Variants in PCSK5 observed in about 807,000 individuals in gnomAD.
PCSK5 encodes proprotein convertase subtilisin/kexin type 5, also known as prohormone convertase 5.
PCSK5 carries 129 observed loss-of-function variants against 233.2 expected under a neutral mutation model. The ratio of observed to expected loss-of-function variants is 0.55; its 90% CI spans 0.48 to 0.64. The LOEUF (loss-of-function observed/expected upper bound fraction) is 0.64. Among genes scored for constraint, PCSK5 ranks in the 30% least tolerant of loss-of-function variants. PCSK5 has a pLI of 0.00. For missense variants in PCSK5, 2,076 were observed against 2,430.1 expected (o/e 0.85, Z 3.06); for synonymous variants, 825 against 879.2 (o/e 0.94, Z 1.09).
At chr9:75,992,450 T>C (rs1826809849) in intron 3 of PCSK5, among the ~76,000 whole-genome samples, 1 of 152,250 alleles carries the variant, frequency 6.6e-6, no homozygotes, top group South Asian at 2.1e-4. Flanking sequence ...AAAAGATCTT[T>C]TATTCCTTCA....
In PCSK5 at chr9:76,227,514, G is replaced by C; in HGVS notation, c.2638G>C (p.Asp880His). ...ATTTTGTTCCCCAGGAGAATATGTTGATGAGCATGGCCACTGCCAGACCTG... is the reference window on the plus strand; with the variant it reads ...ATTTTGTTCCCCAGGAGAATATGTTCATGAGCATGGCCACTGCCAGACCTG... ...GAICKDGEYV[D>H]EHGHCQTCEA... Residue 880 changes from aspartate to histidine, a missense_variant, in exon 21 of 38, where the codon GAT becomes CAT. Physicochemically the swap from Asp to His is moderately conservative, Grantham distance 81 (BLOSUM62 -1). Coordinates refer to ENST00000674117, the MANE Select transcript of PCSK5 (RefSeq NM_001372043.1). 1 of 1,610,670 alleles carries C rather than the reference G, an allele frequency of 6.2e-7. No individual in the cohort carries two copies. Among genetic ancestry groups the C allele is most frequent in the Non-Finnish European group, 8.5e-7 (1 of 1,178,466 alleles).
intron 8 of PCSK5, among the ~76,000 whole-genome samples, chr9:76,097,652 A>G (rs1831592782): frequency 1.3e-5 from 2 of 152,222 alleles, no homozygotes; most frequent in Admixed American, 6.5e-5. Context: ...TGGACAAATT[A>G]ATCTGTCTGT....
chr9:75,920,760 T>C (rs1301818932), intron 1 of PCSK5, among the ~76,000 whole-genome samples: 1 of 151,970 alleles, frequency 6.6e-6, no homozygotes, highest in Non-Finnish European at 1.5e-5. Flanking sequence ...GAGCCGAGAT[T>C]GCACCACTGC....
At chr9:76,135,113 C>T (rs1822917114) in intron 10 of PCSK5, among the ~76,000 whole-genome samples, 1 of 151,982 alleles carries the variant, frequency 6.6e-6, no homozygotes, top group African/African-American at 2.4e-5. Context: ...AATTGAGGTT[C>T]TGATGGTCAG....
intron 24 of PCSK5, among the ~76,000 whole-genome samples, chr9:76,248,822 C>T (rs998679998): frequency 1.3e-5 from 2 of 152,188 alleles, no homozygotes; most frequent in African/African-American, 4.8e-5. Flanking sequence ...GTCCCCCTGT[C>T]ATCCAGGTTT....
At chr9:76,344,718 T>C (rs1564192610) in intron 35 of PCSK5, among the ~76,000 whole-genome samples, 1 of 152,188 alleles carries the variant, frequency 6.6e-6, no homozygotes, top group Non-Finnish European at 1.5e-5. Flanking sequence ...TTATTCCAAC[T>C]AGGGTTGTCT....
chr9:75,972,397 T>A (rs1456654417), intron 2 of PCSK5, among the ~76,000 whole-genome samples: 1 of 152,218 alleles, frequency 6.6e-6, no homozygotes, highest in African/African-American at 2.4e-5. Flanking sequence ...TTAAAGAAGT[T>A]TTTTCTAATT....
At chr9:76,354,880 T>G (rs1830258435) in intron 37 of PCSK5, among the ~76,000 whole-genome samples, 1 of 152,190 alleles carries the variant, frequency 6.6e-6, no homozygotes, top group South Asian at 2.1e-4. Flanking sequence ...ATTTACTTTG[T>G]TCCTTTTTTT....
chr9:76,013,398 T>A (rs932850773), intron 3 of PCSK5, among the ~76,000 whole-genome samples: 1 of 152,184 alleles, frequency 6.6e-6, no homozygotes, highest in African/African-American at 2.4e-5. Flanking sequence ...CTGTGTGACT[T>A]GGCTTTGAAA....
chr9:76,263,982 A>C (rs559701242), intron 24 of PCSK5, among the ~76,000 whole-genome samples: 1 of 152,184 alleles, frequency 6.6e-6, no homozygotes, highest in East Asian at 1.9e-4. Flanking sequence ...GAACCAAAAA[A>C]GAGCCTGAAT....
At chr9:76,283,678 C>G (rs1199571882) in intron 24 of PCSK5, among the ~76,000 whole-genome samples, 1 of 152,096 alleles carries the variant, frequency 6.6e-6, no homozygotes, top group Middle Eastern at 3.2e-3. Context: ...AATATATTCC[C>G]AACAGATGCT....
chr9:76,147,494 G>A (rs1173645362), intron 10 of PCSK5, among the ~76,000 whole-genome samples: 2 of 152,144 alleles, frequency 1.3e-5, no homozygotes. Context: ...TTCTCAAAGT[G>A]TGGTCCCCGG....
intron 5 of PCSK5, among the ~76,000 whole-genome samples, chr9:76,041,056 C>A (rs533733413): frequency 6.6e-6 from 1 of 152,282 alleles, no homozygotes; most frequent in African/African-American, 2.4e-5. Context: ...ACAGGCTGTC[C>A]AAATGTGGCT....
At chr9:76,229,667 T>C (rs1485849467) in intron 21 of PCSK5, among the ~76,000 whole-genome samples, 1 of 152,248 alleles carries the variant, frequency 6.6e-6, no homozygotes, top group Non-Finnish European at 1.5e-5. Flanking sequence ...AAGTGCTGTT[T>C]TAATGGCTTT....
chr9:76,165,580 A>G (rs1189728169), intron 12 of PCSK5, among the ~76,000 whole-genome samples: 1 of 152,226 alleles, frequency 6.6e-6, no homozygotes, highest in East Asian at 1.9e-4. Flanking sequence ...AACCACTTGC[A>G]GGGATAGGGC....
chr9:76,045,076 T>TA (rs1226054477), intron 5 of PCSK5, among the ~76,000 whole-genome samples: 3 of 152,246 alleles, frequency 2.0e-5, no homozygotes, highest in Non-Finnish European at 4.4e-5. Flanking sequence ...AACATGATAA[T>TA]ACATTTTGAA....
intron 1 of PCSK5, among the ~76,000 whole-genome samples, chr9:75,912,278 A>T (rs1173130976): frequency 1.6e-4 from 25 of 152,308 alleles, no homozygotes. Context: ...TTGAGGGAAC[A>T]GCCAGTGCAA....
At chr9:76,340,388 G>A (rs879701781) in intron 35 of PCSK5, among the ~76,000 whole-genome samples, 1 of 152,152 alleles carries the variant, frequency 6.6e-6, no homozygotes, top group Non-Finnish European at 1.5e-5. Flanking sequence ...GCTCACACCT[G>A]TAATCCCAGC....
chr9:76,130,365 T>G (rs1401184634), intron 9 of PCSK5, among the ~76,000 whole-genome samples: 1 of 152,190 alleles, frequency 6.6e-6, no homozygotes, highest in African/African-American at 2.4e-5. Context: ...CTGCTTCACC[T>G]TTGTGGATCC....
Sources: allele counts gnomAD v4.1 joint callset (sites outside exome capture counted in the v4.1 genomes callset), GRCh38; gene constraint gnomAD v4.1.1; transcripts MANE v1.5; gene names NCBI Gene and HGNC (gene_info 2026-07-23, HGNC 2026-07-21).